TIAM2: variants seen among roughly 807,000 people sequenced by gnomAD.
The protein encoded by TIAM2 is rho guanine nucleotide exchange factor TIAM2.
TIAM2 carries 80 observed loss-of-function variants against 152.9 expected under a neutral mutation model. The observed-to-expected ratio is 0.52, with a 90% confidence interval of 0.44 to 0.63. The LOEUF is 0.63. Ranked by LOEUF, TIAM2 falls within the 30% of genes least tolerant of loss-of-function variation. The pLI is 0.00. For synonymous variants in TIAM2, 804 were observed against 838.0 expected, an observed-to-expected ratio of 0.96 and a Z score of 0.70; for missense variants, 1,965 against 2,120.1, an observed-to-expected ratio of 0.93 and a Z score of 1.44.
chr6:155,038,675 G>C (rs1776965286), intron 1 of TIAM2, among the ~76,000 whole-genome samples: 2 of 152,196 alleles, frequency 1.3e-5, no homozygotes, highest in Non-Finnish European at 2.9e-5. Context: ...GCTCATGCCT[G>C]TAATTGCAGT....
At chr6:155,067,690 G>A (rs544731750) in intron 1 of TIAM2, among the ~76,000 whole-genome samples, 139 of 152,250 alleles carry the variant, frequency 9.1e-4, no homozygotes, top group Non-Finnish European at 1.7e-3. Flanking sequence ...GCCCAGGCTG[G>A]AATGCAGTGT....
chr6:155,099,970 C>T (rs1778518243), intron 2 of TIAM2, among the ~76,000 whole-genome samples: 1 of 152,176 alleles, frequency 6.6e-6, no homozygotes, highest in Admixed American at 6.5e-5. Context: ...ATTTGTGTAT[C>T]TAAACATCTC....
chr6:155,115,397 G>A (rs970101439), intron 2 of TIAM2, among the ~76,000 whole-genome samples: 2 of 151,700 alleles, frequency 1.3e-5, no homozygotes, highest in South Asian at 2.1e-4. Context: ...TAATCCCAGC[G>A]CTTTGGGAGG....
At chr6:155,084,435 C>CT (rs1260153299) in intron 1 of TIAM2, among the ~76,000 whole-genome samples, 1 of 152,152 alleles carries the variant, frequency 6.6e-6, no homozygotes, top group Admixed American at 6.5e-5. Context: ...CTTTTGTATC[C>CT]TTGAGTTTTG....
chr6:155,255,195 TTAG>T (rs1317316209), intron 26 of TIAM2: 2 of 152,302 alleles, frequency 1.3e-5, no homozygotes, highest in African/African-American at 4.8e-5. Flanking sequence ...GCCGCAGTGG[TTAG>T]TAGGTACATT....
chr6:155,023,642 C>T (rs953692400), intron 1 of TIAM2, among the ~76,000 whole-genome samples: 3 of 152,136 alleles, frequency 2.0e-5, no homozygotes, highest in Admixed American at 6.5e-5. Context: ...CCATTATCCT[C>T]TGGAGGTCTT....
At chr6:155,139,954 A>G (rs2115052938) in intron 5 of TIAM2, among the ~76,000 whole-genome samples, 1 of 152,278 alleles carries the variant, frequency 6.6e-6, no homozygotes, top group African/African-American at 2.4e-5. Context: ...CAAACAAACA[A>G]ACAAACAAAC....
chr6:155,200,617 C>T (rs1027311469), intron 14 of TIAM2, among the ~76,000 whole-genome samples: 1 of 152,164 alleles, frequency 6.6e-6, no homozygotes, highest in Admixed American at 6.5e-5. Flanking sequence ...AGAAGTCACT[C>T]TTCAAGGCCA....
chr6:155,105,268 A>T (rs1778654793), intron 2 of TIAM2, among the ~76,000 whole-genome samples: 1 of 152,092 alleles, frequency 6.6e-6, no homozygotes, highest in South Asian at 2.1e-4. Flanking sequence ...CTCCCACTTC[A>T]GCCTCATGAG....
intron 15 of TIAM2, among the ~76,000 whole-genome samples, chr6:155,212,394 T>G (rs1036462811): frequency 2.0e-5 from 3 of 152,240 alleles, no homozygotes; most frequent in Non-Finnish European, 4.4e-5. Flanking sequence ...AACTGTTTGT[T>G]GTCAGCTACC....
intron 14 of TIAM2, among the ~76,000 whole-genome samples, chr6:155,204,149 A>T (rs1464499466): frequency 2.0e-5 from 3 of 152,216 alleles, no homozygotes; most frequent in Admixed American, 6.5e-5. Context: ...GCATATAATT[A>T]TCTGAGCTAG....
At chr6:155,040,776 C>G (rs1455237931) in intron 1 of TIAM2, among the ~76,000 whole-genome samples, 1 of 152,092 alleles carries the variant, frequency 6.6e-6, no homozygotes, top group Non-Finnish European at 1.5e-5. Flanking sequence ...GCCTTGGCCT[C>G]CCAAAGTGCT....
At chr6:155,111,713 C>T (rs1446487446) in intron 2 of TIAM2, among the ~76,000 whole-genome samples, 1 of 152,206 alleles carries the variant, frequency 6.6e-6, no homozygotes, top group Admixed American at 6.5e-5. Context: ...AATGGCCCCT[C>T]TCTCTGCACC....
In TIAM2 at chr6:155,134,589, A is replaced by G. The variant is rs570970797; in HGVS notation, c.1195-2588A>G. 3.3e-5 allele frequency among the ~76,000 whole-genome samples: 5 copies of G among 152,294 alleles called. No individual in the cohort carries two copies. In the East Asian group the frequency reaches 9.7e-4, roughly 29 times the overall value. On this transcript the variant is annotated intron_variant, in intron 4 of 26. Coordinates refer to ENST00000682666, the MANE Select transcript of TIAM2 (RefSeq NM_012454.4). ...TCCGTCATGGCCCTTGCAGGGTATCAGAGGTAATTCCAGTGTTTTTGGGCG... is the reference window on the plus strand; with the variant it reads ...TCCGTCATGGCCCTTGCAGGGTATCGGAGGTAATTCCAGTGTTTTTGGGCG...
At chr6:155,190,455 T>G (rs1490077594) in intron 14 of TIAM2, among the ~76,000 whole-genome samples, 1 of 152,176 alleles carries the variant, frequency 6.6e-6, no homozygotes, top group Non-Finnish European at 1.5e-5. Flanking sequence ...GTGAGGTAGA[T>G]GGATTAACAT....
At chr6:155,215,639 G>A (rs1781835814) in intron 15 of TIAM2, among the ~76,000 whole-genome samples, 1 of 151,572 alleles carries the variant, frequency 6.6e-6, no homozygotes, top group Non-Finnish European at 1.5e-5. Context: ...AAACTGTGGT[G>A]GACATTAGTG....
intron 1 of TIAM2, among the ~76,000 whole-genome samples, chr6:155,029,646 A>T (rs55867165): frequency 0.2 from 20,659 of 104,422 alleles, 2,207 homozygotes; most frequent in East Asian, 0.32. Flanking sequence ...TAGTTATATA[A>T]CTATATATAG....
intron 17 of TIAM2, 87 bp downstream of exon 17, chr6:155,244,166 G>T (rs1783195889): frequency 3.2e-6 from 4 of 1,269,624 alleles, no homozygotes; most frequent in Middle Eastern, 1.9e-4. Flanking sequence ...GAGTATCTCT[G>T]TTGATCCCAA....
intron 1 of TIAM2, among the ~76,000 whole-genome samples, chr6:155,034,660 G>A (rs1055113698): frequency 6.6e-6 from 1 of 152,076 alleles, no homozygotes; most frequent in Non-Finnish European, 1.5e-5. Flanking sequence ...CCTCAGAGTT[G>A]CATCTCTCTG....
Sources: allele counts gnomAD v4.1 joint callset (sites outside exome capture counted in the v4.1 genomes callset), GRCh38; gene constraint gnomAD v4.1.1; transcripts MANE v1.5; gene names NCBI Gene and HGNC (gene_info 2026-07-23, HGNC 2026-07-21).